The following KCNIP4 variants were observed in gnomAD, a reference collection of about 807,000 sequenced individuals.
KCNIP4 encodes the protein Kv channel-interacting protein 4.
In KCNIP4, 12 loss-of-function variants were observed where a neutral mutation model predicts 34.0. That is an observed-to-expected ratio of 0.35 (90% CI 0.23 to 0.57). KCNIP4 has a LOEUF of 0.57. Ranked by LOEUF, KCNIP4 falls within the 20% of genes least tolerant of loss-of-function variation. The probability of loss-of-function intolerance (pLI) is 0.83; values close to 1 mark genes in which losing one functional copy is unlikely to be tolerated. For synonymous variants in KCNIP4, 124 were observed against 102.2 expected (o/e 1.21, Z -1.29); for missense variants, 238 against 311.7 (o/e 0.76, Z 1.78).
At chr4:21,869,065 A>G (rs1725601783) in intron 1 of KCNIP4, among the ~76,000 whole-genome samples, 1 of 152,152 alleles carries the variant, frequency 6.6e-6, no homozygotes, top group Admixed American at 6.5e-5. Flanking sequence ...TTCCAATCTT[A>G]TGGGGTCATG....
At chr4:20,977,974 A>T (rs1346417083) in intron 1 of KCNIP4, among the ~76,000 whole-genome samples, 1 of 152,218 alleles carries the variant, frequency 6.6e-6, no homozygotes. Flanking sequence ...TCTTGAAGGC[A>T]GTAAAACACC....
chr4:21,093,857 A>C lies in KCNIP4; in HGVS notation c.62-211148T>G, dbSNP rs536571133. Among the ~76,000 whole-genome samples the C allele has an allele frequency of 1.1e-4, 16 of 152,234 alleles. No homozygotes were observed. In the South Asian group the frequency reaches 2.1e-3, roughly 20 times the overall value. The stretch of plus-strand genomic sequence containing the variant: ...TAGCACTTTGGGAGGCCACGGCGGG[A>C]GGATCACAAGGTGAGGAGATCGAGA... On this transcript the variant is annotated intron_variant, in intron 1 of 8. Coordinates refer to ENST00000382152, the MANE Select transcript of KCNIP4 (RefSeq NM_025221.6).
At chr4:21,860,665 T>TAA (rs10715165) in intron 1 of KCNIP4, among the ~76,000 whole-genome samples, 1 of 149,738 alleles carries the variant, frequency 6.7e-6, no homozygotes, top group Non-Finnish European at 1.5e-5. Context: ...CTACTGATAC[T>TAA]AAAAAAAAAA....
chr4:20,837,163 G>T (rs987436641), intron 3 of KCNIP4, among the ~76,000 whole-genome samples: 1 of 152,098 alleles, frequency 6.6e-6, no homozygotes, highest in Non-Finnish European at 1.5e-5. Context: ...TAGAATATCA[G>T]ATGTTAAGCA....
Position 20,997,186 on chromosome 4 carries a change from G to T in KCNIP4, c.62-114477C>A, listed in dbSNP as rs547160067. On this transcript the variant is annotated intron_variant, in intron 1 of 8. Transcript: ENST00000382152. The stretch of plus-strand genomic sequence containing the variant: ...TGGCAGTATCTGGTCCGTTTCATCT[G>T]GTAATAGCGCAAATAAAAGCAACCA... Among the ~76,000 whole-genome samples, 3 of 152,120 alleles carry T rather than the reference G, an allele frequency of 2.0e-5. No homozygotes were observed. In the South Asian group the frequency reaches 6.2e-4, roughly 32 times the overall value.
intron 1 of KCNIP4, among the ~76,000 whole-genome samples, chr4:21,034,197 T>A (rs965435650): frequency 2.0e-5 from 3 of 152,212 alleles, no homozygotes; most frequent in Non-Finnish European, 4.4e-5. Context: ...TGCACACTTA[T>A]AGAAGAGTTC....
At chr4:21,612,439 C>A (rs1744229486) in intron 1 of KCNIP4, among the ~76,000 whole-genome samples, 1 of 152,154 alleles carries the variant, frequency 6.6e-6, no homozygotes. Context: ...TAGCAAGAAT[C>A]CATCTCAAAA....
chr4:21,603,652 C>G (rs1376742480), intron 1 of KCNIP4, among the ~76,000 whole-genome samples: 4 of 151,800 alleles, frequency 2.6e-5, no homozygotes, highest in Non-Finnish European at 4.4e-5. Flanking sequence ...GCCTGAGTGG[C>G]CATGAATCTT....
At chr4:21,839,395 T>C (rs2109317981) in intron 1 of KCNIP4, among the ~76,000 whole-genome samples, 1 of 152,262 alleles carries the variant, frequency 6.6e-6, no homozygotes, top group African/African-American at 2.4e-5. Flanking sequence ...TTTAAAACAA[T>C]GCCAAGTATT....
At chr4:21,133,086 A>G (rs976538969) in intron 1 of KCNIP4, among the ~76,000 whole-genome samples, 1 of 152,144 alleles carries the variant, frequency 6.6e-6, no homozygotes, top group African/African-American at 2.4e-5. Context: ...GAATTCATTA[A>G]TTGCCTCATT....
intron 1 of KCNIP4, among the ~76,000 whole-genome samples, chr4:20,950,578 G>T (rs1449104966): frequency 2.0e-5 from 3 of 152,070 alleles, no homozygotes; most frequent in African/African-American, 7.2e-5. Flanking sequence ...TTAACTCCAA[G>T]TTGATGCAAT....
intron 1 of KCNIP4, among the ~76,000 whole-genome samples, chr4:21,338,691 C>T (rs908957456): frequency 6.6e-6 from 1 of 151,342 alleles, no homozygotes; most frequent in Non-Finnish European, 1.5e-5. Context: ...TTCTTACTAC[C>T]CAAAGGATTA....
At position 20,979,502 on chromosome 4, in the gene KCNIP4, C is replaced by T. The variant is rs565661625; in HGVS notation, c.62-96793G>A. Among the ~76,000 whole-genome samples, 9 of 151,794 alleles carry T rather than the reference C, an allele frequency of 5.9e-5. No individual in the cohort carries two copies. The East Asian group carries it at 1.8e-3, about 30-fold the overall frequency. On this transcript the variant is annotated intron_variant, in intron 1 of 8. Transcript: ENST00000382152. The stretch of plus-strand genomic sequence containing the variant: ...CAAGCTCCGCCTCCCGGGTTCACGC[C>T]ACTCTCCTGCCTCAGCCTCCCGAGT...
chr4:20,773,462 A>G (rs569410177), intron 3 of KCNIP4, among the ~76,000 whole-genome samples: 12 of 152,290 alleles, frequency 7.9e-5, no homozygotes, highest in African/African-American at 2.4e-4. Context: ...ATGACCCAAA[A>G]GGAAACTCCC....
intron 1 of KCNIP4, among the ~76,000 whole-genome samples, chr4:21,245,266 T>C (rs1760115394): frequency 6.6e-6 from 1 of 152,214 alleles, no homozygotes; most frequent in Non-Finnish European, 1.5e-5. Flanking sequence ...TGTTTCTCTG[T>C]AGGGTTACTC....
At chr4:20,847,337 C>T (rs370224133) in intron 3 of KCNIP4, among the ~76,000 whole-genome samples, 57 of 152,250 alleles carry the variant, frequency 3.7e-4, no homozygotes, top group African/African-American at 1.3e-3. Flanking sequence ...CAGTGATTCT[C>T]AAAGTGTGGG....
At chr4:20,879,370 TC>T (rs1407687026) in intron 2 of KCNIP4, among the ~76,000 whole-genome samples, 2 of 152,202 alleles carry the variant, frequency 1.3e-5, no homozygotes, top group Non-Finnish European at 2.9e-5. Context: ...CATAGATCTG[TC>T]ACCTCCTGTC....
intron 1 of KCNIP4, among the ~76,000 whole-genome samples, chr4:20,965,035 GAGAGAAGGCA>G (rs1451014280): frequency 1.3e-5 from 2 of 152,114 alleles, no homozygotes; most frequent in African/African-American, 4.8e-5. Flanking sequence ...AGAGAAGATG[GAGAGAAGGCA>G]ACATAAGAAT....
At chr4:21,297,826 T>C (rs980052420) in intron 1 of KCNIP4, among the ~76,000 whole-genome samples, 7 of 152,012 alleles carry the variant, frequency 4.6e-5, no homozygotes, top group Non-Finnish European at 8.8e-5. Context: ...AAAAAATGAA[T>C]CAGATTCTTA....
Sources: allele counts gnomAD v4.1 joint callset (sites outside exome capture counted in the v4.1 genomes callset), GRCh38; gene constraint gnomAD v4.1.1; transcripts MANE v1.5; gene names NCBI Gene and HGNC (gene_info 2026-07-23, HGNC 2026-07-21).